Variants in MAGEB1 observed in about 807,000 individuals in gnomAD.
The protein encoded by MAGEB1 is melanoma-associated antigen B1.
For synonymous variants in MAGEB1, 99 were observed against 105.7 expected, an observed-to-expected ratio of 0.94 and a Z score of 0.39; for missense variants, 290 against 286.7, an observed-to-expected ratio of 1.01 and a Z score of -0.08.
chrX:30,246,791 A>G (rs1176014143), upstream of MAGEB1, among the ~76,000 whole-genome samples: 2 of 111,660 alleles, frequency 1.8e-5, no homozygotes, highest in Non-Finnish European at 3.8e-5. Flanking sequence ...GAGTAGCTTC[A>G]GTTCTGCCTG....
At position 30,250,461 on chromosome X, in the gene MAGEB1, C is replaced by T. The variant is rs758029012; in HGVS notation, c.-33C>T. ...GCCACATCTCCTGCCTTTCTGCTCA[C>T]TTTCCTGCCTGTTTTGCCTGACCAC... On this transcript the variant is annotated 5_prime_UTR_variant, in exon 2 of 2. Coordinates refer to ENST00000397548, the MANE Select transcript of MAGEB1 (RefSeq NM_177404.3). 1.8e-6 allele frequency: 2 copies of T among 1,130,289 alleles called. No homozygotes were observed. The highest frequency in any genetic ancestry group is 2.4e-6 in the Non-Finnish European group (2 of 846,958). The allele number at this position is 1,130,289 out of a possible 1,213,427, so 93.1% of individuals were successfully genotyped here.
At chrX:30,245,038 A>G (rs1034573826), upstream of MAGEB1, among the ~76,000 whole-genome samples, 1 of 111,429 alleles carries the variant, frequency 9.0e-6, no homozygotes. Flanking sequence ...TCTAAGGGAG[A>G]TCTAGATTTT....
At chrX:30,244,427 A>C (rs1258810618), upstream of MAGEB1, among the ~76,000 whole-genome samples, 2 of 111,844 alleles carry the variant, frequency 1.8e-5, no homozygotes, top group Non-Finnish European at 1.9e-5. Context: ...AACAAACAAC[A>C]AAAAAACCCC....
In MAGEB1 at chrX:30,251,497, G is replaced by T. The variant is rs750589796; in HGVS notation, c.1004G>T (p.Arg335Leu). Residue 335 changes from arginine (R) to leucine (L), a missense_variant, in exon 2 of 2, where the codon CGT (arginine) becomes CTT (leucine). By Grantham distance (102) the Arg-to-Leu change is moderately radical. Transcript: ENST00000397548. ...ACTACTGCCACGACTTTTAGAGCGC[G>T]TTCTAGAGCCCCATTCAGCAGGTCC... ...RRTTATTFRA[R>L]SRAPFSRSSH... 17 of 1,209,209 alleles carry T rather than the reference G, an allele frequency of 1.4e-5. No homozygotes were observed. Among genetic ancestry groups the T allele is most frequent in the Non-Finnish European group, 1.8e-5 (16 of 894,740 alleles).
chrX:30,247,970 G>A (rs866127541), intron 1 of MAGEB1, among the ~76,000 whole-genome samples: 137 of 46,878 alleles, frequency 2.9e-3, no homozygotes, highest in Non-Finnish European at 4.8e-3. Context: ...AAAAAAAAAA[G>A]TCCCGCTCCT....
upstream of MAGEB1, chrX:30,247,117 C>A (rs12011674): frequency 0.16 from 17,603 of 108,516 alleles, 1,234 homozygotes; most frequent in African/African-American, 0.25. Context: ...GCCGTCAGCC[C>A]GGAGGCCACG....
chrX:30,250,376 G>A, intron 1 of MAGEB1, 58 bp from the exon 2 acceptor site: 1 of 631,193 alleles, frequency 1.6e-6, no homozygotes, highest in Non-Finnish European at 2.4e-6. Context: ...CTCTCTAAAA[G>A]CCAAGGTGGT....
intron 1 of MAGEB1, among the ~76,000 whole-genome samples, chrX:30,247,946 G>GAAAAAAAAAAAAAA (rs57368527): frequency 2.2e-5 from 1 of 45,941 alleles, no homozygotes; most frequent in East Asian, 1.0e-3. Context: ...TCAGTCTCAA[G>GAAAAAAAAAAAAAA]AAAAAAAAAA....
chrX:30,249,862 G>T (rs142767052), intron 1 of MAGEB1, among the ~76,000 whole-genome samples: 1,651 of 110,257 alleles, frequency 0.015, 37 homozygotes, highest in African/African-American at 0.052. Context: ...TCTGCACTTA[G>T]CTCTGAAAGG....
chrX:30,250,034 T>C (rs989408687), intron 1 of MAGEB1, among the ~76,000 whole-genome samples: 2 of 111,599 alleles, frequency 1.8e-5, no homozygotes, highest in Non-Finnish European at 3.8e-5. Context: ...GAGGTCCAAC[T>C]AGCCCAGGAC....
chrX:30,251,053 G>T lies in MAGEB1; in HGVS notation c.560G>T (p.Gly187Val). The T allele has an allele frequency of 2.5e-6, 3 of 1,210,876 alleles. No individual in the cohort carries two copies. Among genetic ancestry groups the T allele is most frequent in the Non-Finnish European group, 3.4e-6 (3 of 895,055 alleles). The change falls in exon 2 of 2, where the codon GGA becomes GTA. Residue 187 changes from glycine (G) to valine (V), a missense_variant. Gly to Val is a moderately radical substitution (Grantham distance 109). Coordinates refer to ENST00000397548, the MANE Select transcript of MAGEB1 (RefSeq NM_177404.3). The stretch of plus-strand genomic sequence containing the variant: ...AGTAAGCTAAACCTCACCAATGATG[G>T]AAACCTGAGCAATGATTGGGACTTT... ...LVSKLNLTND[G>V]NLSNDWDFPR...
rs1486857769 is a variant in MAGEB1, at chrX:30,247,156, C to T, written c.-161C>T. 1 of 109,148 alleles carries T rather than the reference C, an allele frequency of 9.2e-6. No homozygotes were observed. The highest frequency in any genetic ancestry group is 1.9e-5 in the Non-Finnish European group (1 of 52,318). The allele number at this position is 109,148 out of a possible 1,213,427, so 9.0% of individuals were successfully genotyped here. A position where few individuals can be genotyped will look rare whatever the true frequency, so the allele number is the denominator to read the frequency against. On this transcript the variant is annotated 5_prime_UTR_variant, in exon 1 of 2. Transcript: ENST00000397548. ...TGCCGGATGTGGCTCATCCTGACTT[C>T]CGCTTTGAAGGCGAGGACCCCAGCG... is the stretch of plus-strand genomic sequence containing the variant.
In MAGEB1 at chrX:30,251,997, A is replaced by G. The variant is rs1925551992; in HGVS notation, c.*460A>G. 1 of 126,382 alleles carries G rather than the reference A, an allele frequency of 7.9e-6. No homozygotes were observed. The highest frequency in any genetic ancestry group is 9.2e-5 in the Admixed American group (1 of 10,915). The allele number at this position is 126,382 out of a possible 1,213,427, so 10.4% of individuals were successfully genotyped here. A position where few individuals can be genotyped will look rare whatever the true frequency, so the allele number is the denominator to read the frequency against. On this transcript the variant is annotated 3_prime_UTR_variant, in exon 2 of 2. Coordinates refer to ENST00000397548, the MANE Select transcript of MAGEB1 (RefSeq NM_177404.3). ...CAAAGATACATACCTGGTTGTTTTT[A>G]GCCTTTTCAAGAATGCAGATAAAAT... is the stretch of plus-strand genomic sequence containing the variant.
At chrX:30,249,789 C>T (rs1482855199) in intron 1 of MAGEB1, among the ~76,000 whole-genome samples, 1 of 111,367 alleles carries the variant, frequency 9.0e-6, no homozygotes, top group Non-Finnish European at 1.9e-5. Flanking sequence ...ACTGAAGGCA[C>T]CATTCCCCCA....
At chrX:30,248,300 G>A (rs1229589452) in intron 1 of MAGEB1, among the ~76,000 whole-genome samples, 2 of 112,000 alleles carry the variant, frequency 1.8e-5, no homozygotes, top group South Asian at 3.8e-4. Context: ...AGGCCTCACT[G>A]CCCCAGTTCA....
In MAGEB1 at chrX:30,251,025, G is replaced by C. The variant is rs34171800; in HGVS notation, c.532G>C (p.Val178Leu). ...DNPSGHTYTL[V>L]SKLNLTNDGN... ...CCCTAGTGGCCACACCTACACCCTC[G>C]TCAGTAAGCTAAACCTCACCAATGA... Residue 178 changes from valine to leucine, a missense_variant, in exon 2 of 2, where the codon GTC (valine) becomes CTC (leucine). Physicochemically the swap from Val to Leu is conservative, Grantham distance 32. Transcript: ENST00000397548. The C allele has an allele frequency of 1.7e-6, 2 of 1,209,645 alleles. No individual in the cohort carries two copies. Among genetic ancestry groups the C allele is most frequent in the Admixed American group, 4.4e-5 (2 of 45,809 alleles).
chrX:30,249,702 C>A (rs1296461195), intron 1 of MAGEB1, among the ~76,000 whole-genome samples: 2 of 111,610 alleles, frequency 1.8e-5, no homozygotes, highest in Non-Finnish European at 3.8e-5. Context: ...AGATGTAGGC[C>A]TTACTATGAG....
Position 30,250,855 on chromosome X carries a change from G to C in MAGEB1, c.362G>C (p.Arg121Pro), listed in dbSNP as rs776705490. The C allele has an allele frequency of 5.0e-6, 6 of 1,210,082 alleles. No homozygotes were observed. In the Admixed American group the frequency reaches 1.1e-4, roughly 22 times the overall value. The change falls in exon 2 of 2, where the codon CGT becomes CCT. Residue 121 changes from arginine to proline, a missense_variant. Arg to Pro is a moderately radical substitution (Grantham distance 103). Coordinates refer to ENST00000397548, the MANE Select transcript of MAGEB1 (RefSeq NM_177404.3). ...GGAATGCTGATGCACTTCATTCTAC[G>C]TAAGTATAAAATGAGAGAGCCCATT... ...EAGMLMHFIL[R>P]KYKMREPIMK... is the part of the protein sequence containing the mutation.
intron 1 of MAGEB1, among the ~76,000 whole-genome samples, chrX:30,247,774 C>T (rs1219126453): frequency 9.1e-6 from 1 of 109,488 alleles, no homozygotes; most frequent in Non-Finnish European, 1.9e-5. Context: ...GAAACCCCGT[C>T]TCTACTAAAA....
Sources: gnomAD v4.1 joint callset for allele counts (sites outside exome capture counted in the v4.1 genomes callset) on GRCh38, gnomAD v4.1.1 for gene constraint, MANE v1.5 for transcripts, NCBI Gene and HGNC (gene_info 2026-07-23, HGNC 2026-07-21) for gene names.